The following WDR45B variants were observed in gnomAD, a reference collection of about 807,000 sequenced individuals.
WDR45B encodes the protein WD repeat domain phosphoinositide-interacting protein 3.
WDR45B carries 20 observed loss-of-function variants against 44.6 expected under a neutral mutation model. The ratio of observed to expected loss-of-function variants is 0.45; its 90% CI spans 0.32 to 0.65. The LOEUF (loss-of-function observed/expected upper bound fraction) is 0.65. WDR45B is among the 30% of genes least tolerant of loss of function. The probability of loss-of-function intolerance (pLI) is 0.05; values close to 1 mark genes in which losing one functional copy is unlikely to be tolerated. For synonymous variants in WDR45B, 169 were observed against 164.9 expected (o/e 1.02, Z -0.19); for missense variants, 323 against 430.2 (o/e 0.75, Z 2.20).
At chr17:82,619,237 A>G in intron 6 of WDR45B, 109 bp from the exon 7 acceptor site, 1 of 999,640 alleles carries the variant, frequency 1.0e-6, no homozygotes, top group East Asian at 2.6e-5. Context: ...CCTTTCTCAA[A>G]CTCACCCACA....
intron 2 of WDR45B, among the ~76,000 whole-genome samples, chr17:82,642,519 C>A (rs2045930700): frequency 1.3e-5 from 2 of 152,218 alleles, no homozygotes; most frequent in African/African-American, 4.8e-5. Context: ...CGCTCCAGCA[C>A]ATTAATTGAA....
At chr17:82,622,722 ATTTT>A (rs79050085) in intron 5 of WDR45B, among the ~76,000 whole-genome samples, 1 of 146,574 alleles carries the variant, frequency 6.8e-6, no homozygotes, top group African/African-American at 2.5e-5. Flanking sequence ...ATGACCAAAA[ATTTT>A]TTTTTTTTTT....
chr17:82,639,903 TGTGTGTC>T (rs1401894806), intron 2 of WDR45B, among the ~76,000 whole-genome samples: 46 of 36,060 alleles, frequency 1.3e-3, no homozygotes, highest in Non-Finnish European at 2.3e-3. Context: ...CTGGGTTGTG[TGTGTGTC>T]GGGTCAGGTG....
chr17:82,645,730 T>C (rs1217470173), intron 1 of WDR45B, among the ~76,000 whole-genome samples: 3 of 152,204 alleles, frequency 2.0e-5, no homozygotes, highest in Non-Finnish European at 4.4e-5. Context: ...ACTCATATTA[T>C]GCTTATGGTA....
Position 82,626,802 on chromosome 17 carries a change from C to T in WDR45B, c.332+402G>A, listed in dbSNP as rs183907491. On this transcript the variant is annotated intron_variant, in intron 4 of 9. Transcript: ENST00000392325. ...CTTTCAACACAGAAAATTCAATTTT[C>T]CTTTACCTTCAAACCGAAAACCTTT... 1.3e-3 allele frequency: 347 copies of T among 264,526 alleles called. 1 individual carries two copies. The highest frequency in any genetic ancestry group is 7.4e-3 in the African/African-American group (333 of 45,104). The allele number at this position is 264,526 out of a possible 1,614,324, so 16.4% of individuals were successfully genotyped here.
At chr17:82,648,031 G>A (rs1336490553) in intron 1 of WDR45B, among the ~76,000 whole-genome samples, 1 of 146,524 alleles carries the variant, frequency 6.8e-6, no homozygotes, top group Admixed American at 6.9e-5. Flanking sequence ...ACAACCCGGG[G>A]GGTGGGGGAG....
intron 4 of WDR45B, chr17:82,626,724 T>G: frequency 4.8e-6 from 1 of 210,162 alleles, no homozygotes; most frequent in Non-Finnish European, 9.7e-6. Flanking sequence ...AGGACAAACT[T>G]CCATATTCCC....
At chr17:82,646,040 G>C (rs2045971032) in intron 1 of WDR45B, among the ~76,000 whole-genome samples, 1 of 151,630 alleles carries the variant, frequency 6.6e-6, no homozygotes, top group Non-Finnish European at 1.5e-5. Context: ...AGAATCGCTT[G>C]AACCCAGGAG....
At chr17:82,622,722 A>AT (rs79050085) in intron 5 of WDR45B, among the ~76,000 whole-genome samples, 106 of 146,398 alleles carry the variant, frequency 7.2e-4, no homozygotes, top group Middle Eastern at 3.5e-3. Flanking sequence ...ATGACCAAAA[A>AT]TTTTTTTTTT....
chr17:82,615,667 A>G lies in WDR45B; in HGVS notation c.*252T>C, dbSNP rs547944505. On this transcript the variant is annotated 3_prime_UTR_variant, in exon 10 of 10. Coordinates refer to ENST00000392325, the MANE Select transcript of WDR45B (RefSeq NM_019613.4). ...TGAAGCTAACGTCACAGCTGAACTC[A>G]TGGGAACAGCCAGTGGCCGCCAGTC... is the stretch of plus-strand genomic sequence containing the variant. 2 of 534,648 alleles carry G rather than the reference A, an allele frequency of 3.7e-6. No individual in the cohort carries two copies. The highest frequency in any genetic ancestry group is 4.0e-5 in the South Asian group (2 of 49,934). 33.1% of individuals were successfully genotyped at this position (534,648 alleles called of 1,614,324 possible).
chr17:82,617,233 A>G, intron 8 of WDR45B, 63 bp downstream of exon 8: 2 of 1,513,060 alleles, frequency 1.3e-6, no homozygotes, highest in Non-Finnish European at 1.8e-6. Flanking sequence ...TCCCGTCCAC[A>G]CTGAAACACT....
At position 82,636,041 on chromosome 17, in the gene WDR45B, C is replaced by T. The variant is rs373358636; in HGVS notation, c.143-5019G>A. 1.4e-4 allele frequency among the ~76,000 whole-genome samples: 22 copies of T among 151,956 alleles called. No homozygotes were observed. In the East Asian group the frequency reaches 3.9e-3, roughly 27 times the overall value. On this transcript the variant is annotated intron_variant, in intron 2 of 9. Transcript: ENST00000392325. ...GGCAGAGGGTGCGGTGAGCCGAGAT[C>T]GCGTCACTGCACTCTAGCCTGGGCA... is the stretch of plus-strand genomic sequence containing the variant.
At chr17:82,617,975 A>C (rs6502126) in intron 7 of WDR45B, among the ~76,000 whole-genome samples, 125,826 of 151,328 alleles carry the variant, frequency 0.83, 52,611 homozygotes, top group African/African-American at 0.91. Context: ...CTTGCCCAGG[A>C]TAGAGCGCAG....
At chr17:82,646,514 C>CAAAAAAAAAAAAAAAAAAAAAAAAAAA (rs1568019681) in intron 1 of WDR45B, among the ~76,000 whole-genome samples, 1 of 21,682 alleles carries the variant, frequency 4.6e-5, no homozygotes, top group Non-Finnish European at 8.3e-5. Context: ...AAAAAAAAAC[C>CAAAAAAAAAAAAAAAAAAAAAAAAAAA]CAAAACAAAA....
chr17:82,630,874 T>C (rs956189209), intron 3 of WDR45B, 47 bp downstream of exon 3: 3 of 1,547,544 alleles, frequency 1.9e-6, no homozygotes, highest in East Asian at 2.2e-5. Flanking sequence ...AAAAAAAGAC[T>C]GGGTGGGACA....
At chr17:82,628,654 C>T (rs901374) in intron 3 of WDR45B, among the ~76,000 whole-genome samples, 2 of 151,946 alleles carry the variant, frequency 1.3e-5, no homozygotes, top group South Asian at 2.1e-4. Context: ...CTATGATCAC[C>T]CCACTGCACT....
chr17:82,642,151 G>T (rs2045924620), intron 2 of WDR45B, among the ~76,000 whole-genome samples: 1 of 152,032 alleles, frequency 6.6e-6, no homozygotes, highest in Non-Finnish European at 1.5e-5. Flanking sequence ...CCTTTACAAT[G>T]GGTCTGCAAC....
At chr17:82,639,214 C>T (rs1456109314) in intron 2 of WDR45B, among the ~76,000 whole-genome samples, 2 of 151,992 alleles carry the variant, frequency 1.3e-5, no homozygotes, top group Non-Finnish European at 2.9e-5. Flanking sequence ...ATGCCATGGC[C>T]ATCTCTCCAA....
intron 7 of WDR45B, 37 bp from the exon 8 acceptor site, chr17:82,617,434 G>C (rs535111617): frequency 3.7e-6 from 6 of 1,601,440 alleles, no homozygotes; most frequent in Non-Finnish European, 5.1e-6. Flanking sequence ...GCCTTGTGTG[G>C]ATGTGGAGGA....
Sources: allele counts gnomAD v4.1 joint callset (sites outside exome capture counted in the v4.1 genomes callset), GRCh38; gene constraint gnomAD v4.1.1; transcripts MANE v1.5; gene names NCBI Gene and HGNC (gene_info 2026-07-23, HGNC 2026-07-21).